The following PRKD1 variants were observed in gnomAD, a reference collection of about 807,000 sequenced individuals.
PRKD1 encodes serine/threonine-protein kinase D1.
In PRKD1, 63 loss-of-function variants were observed where a neutral mutation model predicts 95.9. The observed-to-expected ratio is 0.66, with a 90% CI of 0.54 to 0.81. The LOEUF is 0.81. Among genes scored for constraint, PRKD1 ranks in the 30% least tolerant of loss-of-function variants. The pLI is 0.00. For synonymous variants in PRKD1, 425 were observed against 423.1 expected (o/e 1.00, Z -0.05); for missense variants, 1,048 against 1,165.3 (o/e 0.90, Z 1.47).
chr14:29,914,443 A>G (rs2139126813), intron 1 of PRKD1, among the ~76,000 whole-genome samples: 1 of 152,358 alleles, frequency 6.6e-6, no homozygotes, highest in Non-Finnish European at 1.5e-5. Flanking sequence ...GCAAATATAC[A>G]ACCCAAATAC....
chr14:29,855,221 A>G (rs1892451589), intron 1 of PRKD1, among the ~76,000 whole-genome samples: 1 of 151,968 alleles, frequency 6.6e-6, no homozygotes, highest in African/African-American at 2.4e-5. Flanking sequence ...AGCCACACAC[A>G]CTCAATGTCG....
chr14:29,925,949 G>A (rs1895280012), intron 1 of PRKD1, among the ~76,000 whole-genome samples: 1 of 152,158 alleles, frequency 6.6e-6, no homozygotes, highest in Non-Finnish European at 1.5e-5. Context: ...TGTGGAAAAG[G>A]AGCATGATAT....
At chr14:29,889,486 G>A (rs1459411521) in intron 1 of PRKD1, among the ~76,000 whole-genome samples, 2 of 152,158 alleles carry the variant, frequency 1.3e-5, no homozygotes, top group African/African-American at 2.4e-5. Context: ...GGGAAGCCAT[G>A]AGTGACTGTC....
intron 1 of PRKD1, among the ~76,000 whole-genome samples, chr14:29,778,839 C>T (rs1888898708): frequency 6.6e-6 from 1 of 151,796 alleles, no homozygotes; most frequent in African/African-American, 2.4e-5. Context: ...CAACAAAAAA[C>T]AGAATTTTAG....
intron 1 of PRKD1, among the ~76,000 whole-genome samples, chr14:29,856,868 C>T (rs542532961): frequency 9.8e-4 from 150 of 152,316 alleles, no homozygotes; most frequent in Non-Finnish European, 1.8e-3. Flanking sequence ...GTATGCAGAA[C>T]ATCAAGAGTC....
chr14:29,781,927 TA>T (rs1178839689), intron 1 of PRKD1, among the ~76,000 whole-genome samples: 2 of 152,228 alleles, frequency 1.3e-5, no homozygotes. Context: ...CTGCCACTTC[TA>T]AAAAGTAGCA....
At chr14:29,664,838 T>C (rs1346134495) in intron 3 of PRKD1, among the ~76,000 whole-genome samples, 1 of 152,206 alleles carries the variant, frequency 6.6e-6, no homozygotes, top group Non-Finnish European at 1.5e-5. Flanking sequence ...GGTGCAGAAA[T>C]GCAGATACAT....
intron 1 of PRKD1, among the ~76,000 whole-genome samples, chr14:29,920,671 T>C (rs2139138433): frequency 6.6e-6 from 1 of 152,086 alleles, no homozygotes; most frequent in East Asian, 1.9e-4. Context: ...AAAAGATTTA[T>C]AAATAATTAA....
intron 4 of PRKD1, among the ~76,000 whole-genome samples, chr14:29,663,148 C>CATAT (rs61506580): frequency 0.083 from 10,913 of 131,550 alleles, 510 homozygotes; most frequent in African/African-American, 0.13. Flanking sequence ...AATATTCTTC[C>CATAT]ATATATATAT....
At chr14:29,677,009 T>C (rs1009390789) in intron 2 of PRKD1, among the ~76,000 whole-genome samples, 12 of 152,214 alleles carry the variant, frequency 7.9e-5, no homozygotes, top group African/African-American at 2.4e-4. Context: ...GGTTACTATA[T>C]TGCAGAGTGC....
chr14:29,926,280 T>G (rs1182659436), intron 1 of PRKD1, among the ~76,000 whole-genome samples: 20 of 147,912 alleles, frequency 1.4e-4, no homozygotes, highest in Admixed American at 1.3e-3. Context: ...GGCTGAAAAA[T>G]TCAGCACCTT....
At chr14:29,625,270 T>A (rs1170488217) in intron 12 of PRKD1, among the ~76,000 whole-genome samples, 1 of 152,206 alleles carries the variant, frequency 6.6e-6, no homozygotes, top group Non-Finnish European at 1.5e-5. Flanking sequence ...CTGCAAGTAC[T>A]TTTTTCAAGG....
intron 1 of PRKD1, among the ~76,000 whole-genome samples, chr14:29,826,896 A>T (rs8016919): frequency 0.28 from 27,609 of 97,970 alleles, 5,624 homozygotes; most frequent in African/African-American, 0.39. Context: ...CTACTCAGCC[A>T]TAAAAAGAAA....
chr14:29,765,490 G>C (rs986519025), intron 1 of PRKD1, among the ~76,000 whole-genome samples: 1 of 152,110 alleles, frequency 6.6e-6, no homozygotes, highest in Non-Finnish European at 1.5e-5. Flanking sequence ...TTCTTGTAAA[G>C]TTGGAGAAAC....
chr14:29,877,900 A>C, intron 1 of PRKD1, among the ~76,000 whole-genome samples: 1 of 152,196 alleles, frequency 6.6e-6, no homozygotes, highest in South Asian at 2.1e-4. Flanking sequence ...GAATCAACCT[A>C]AATGTTCATA....
chr14:29,847,017 A>G lies in PRKD1; in HGVS notation c.264+80232T>C, dbSNP rs572296556. 2.0e-4 allele frequency among the ~76,000 whole-genome samples: 31 copies of G among 152,310 alleles called. No individual in the cohort carries two copies. In the South Asian group the frequency reaches 4.8e-3, roughly 23 times the overall value. On this transcript the variant is annotated intron_variant, in intron 1 of 17. Transcript: ENST00000331968. Reference sequence around the variant, plus strand: ...CAGGGTCGATAGCCAAATCCCTAGGAAAGATAATCTGATTGGCCCAGTTTG... The same window carrying G: ...CAGGGTCGATAGCCAAATCCCTAGGGAAGATAATCTGATTGGCCCAGTTTG...
chr14:29,750,458 C>T (rs1887423464), intron 1 of PRKD1, among the ~76,000 whole-genome samples: 1 of 152,088 alleles, frequency 6.6e-6, no homozygotes. Context: ...GCTATACATA[C>T]ATTTAAGAAA....
intron 4 of PRKD1, among the ~76,000 whole-genome samples, chr14:29,660,381 G>A (rs1882125444): frequency 6.6e-6 from 1 of 152,104 alleles, no homozygotes; most frequent in Non-Finnish European, 1.5e-5. Flanking sequence ...TACATCAGGG[G>A]TGCTCAACCT....
rs45455592 is a variant in PRKD1 at position 29,630,460 on chromosome 14, C to A, written c.1672+282G>T. The A allele has an allele frequency of 2.9e-3, 944 of 326,110 alleles. 2 individuals are homozygous for A. The highest frequency in any genetic ancestry group is 4.3e-3 in the Non-Finnish European group (763 of 178,638). The allele number at this position is 326,110 out of a possible 1,614,324, so 20.2% of individuals were successfully genotyped here. On this transcript the variant is annotated intron_variant, in intron 10 of 17. Transcript: ENST00000331968. ...GGCCAGATTACTTCTTCTTTTATAA[C>A]CAATAGCTCTAGAGGTCTGTAATTG...
Sources: allele counts gnomAD v4.1 joint callset (sites outside exome capture counted in the v4.1 genomes callset), GRCh38; gene constraint gnomAD v4.1.1; transcripts MANE v1.5; gene names NCBI Gene and HGNC (gene_info 2026-07-23, HGNC 2026-07-21).